The following PHACTR1 variants were observed in gnomAD, a reference collection of about 807,000 sequenced individuals.
PHACTR1 encodes RPEL repeat containing 1.
Under a neutral mutation model 69.2 loss-of-function variants are expected in PHACTR1, and 16 were observed. The observed-to-expected ratio is 0.23, with a 90% CI of 0.16 to 0.35. The LOEUF (loss-of-function observed/expected upper bound fraction) is 0.35, where lower values mean the gene tolerates loss of function less well. PHACTR1 is among the 10% of genes least tolerant of loss of function. The probability of loss-of-function intolerance (pLI) is 1.00; values close to 1 mark genes in which losing one functional copy is unlikely to be tolerated. For synonymous variants in PHACTR1, 312 were observed against 284.5 expected (o/e 1.10, Z -0.97); for missense variants, 510 against 734.7 (o/e 0.69, Z 3.54).
intron 7 of PHACTR1, among the ~76,000 whole-genome samples, chr6:13,197,620 A>C (rs2113824259): frequency 6.6e-6 from 1 of 152,222 alleles, no homozygotes; most frequent in Non-Finnish European, 1.5e-5. Flanking sequence ...ATATGTATAC[A>C]TGTGCCATGT....
chr6:13,162,492 C>G (rs1483734781), intron 6 of PHACTR1, among the ~76,000 whole-genome samples: 1 of 152,042 alleles, frequency 6.6e-6, no homozygotes, highest in East Asian at 1.9e-4. Flanking sequence ...ATTCACCCCC[C>G]AGGAGAGATG....
At chr6:13,139,441 T>A (rs1248867580) in intron 5 of PHACTR1, among the ~76,000 whole-genome samples, 1 of 152,164 alleles carries the variant, frequency 6.6e-6, no homozygotes, top group African/African-American at 2.4e-5. Flanking sequence ...TATTCACAAA[T>A]TGTTTTTTCC....
At chr6:13,040,611 C>G (rs1257039026) in intron 4 of PHACTR1, among the ~76,000 whole-genome samples, 2 of 152,044 alleles carry the variant, frequency 1.3e-5, no homozygotes, top group Non-Finnish European at 1.5e-5. Context: ...TTTCACTTAC[C>G]CTCCAGCTGA....
At chr6:12,825,104 C>G (rs1041776941) in intron 4 of PHACTR1, among the ~76,000 whole-genome samples, 1 of 152,140 alleles carries the variant, frequency 6.6e-6, no homozygotes, top group Non-Finnish European at 1.5e-5. Context: ...CATAGCAAGA[C>G]TCCCATCTCC....
intron 3 of PHACTR1, among the ~76,000 whole-genome samples, chr6:12,726,270 G>A (rs991966767): frequency 6.6e-6 from 1 of 152,130 alleles, no homozygotes. Flanking sequence ...AATAGTCTGG[G>A]ATGATGGAGT....
At chr6:13,278,364 A>G (rs1261262720) in intron 12 of PHACTR1, 35 bp downstream of exon 12, 1 of 1,565,128 alleles carries the variant, frequency 6.4e-7, no homozygotes, top group African/African-American at 1.4e-5. Flanking sequence ...CTGGGACAGG[A>G]GAGGGTGGGC....
At chr6:12,994,223 G>T (rs1022694572) in intron 4 of PHACTR1, among the ~76,000 whole-genome samples, 3 of 152,176 alleles carry the variant, frequency 2.0e-5, no homozygotes, top group Non-Finnish European at 2.9e-5. Context: ...GAAGCCCTGA[G>T]AACTGAGATG....
At chr6:13,112,652 T>A (rs11961352) in intron 5 of PHACTR1, among the ~76,000 whole-genome samples, 42,140 of 152,104 alleles carry the variant, frequency 0.28, 6,133 homozygotes, top group South Asian at 0.46. Context: ...TTTTTCATAT[T>A]AAAAATATGT....
chr6:13,120,228 C>A (rs998965616), intron 5 of PHACTR1, among the ~76,000 whole-genome samples: 8 of 152,278 alleles, frequency 5.3e-5, no homozygotes, highest in African/African-American at 1.7e-4. Flanking sequence ...TTCTTCCTTT[C>A]TTCTCCCTCC....
intron 4 of PHACTR1, among the ~76,000 whole-genome samples, chr6:13,023,378 C>G (rs1330682015): frequency 6.6e-6 from 1 of 152,182 alleles, no homozygotes; most frequent in Non-Finnish European, 1.5e-5. Context: ...CATCTTGACT[C>G]TGTTATTGTT....
intron 4 of PHACTR1, among the ~76,000 whole-genome samples, chr6:12,829,428 T>A (rs1374280306): frequency 1.3e-5 from 2 of 152,148 alleles, no homozygotes; most frequent in Non-Finnish European, 2.9e-5. Context: ...CAAAGGAGTT[T>A]TGTGCTTGAC....
At chr6:13,230,270 G>A (rs114164912) in intron 10 of PHACTR1, 77 bp downstream of exon 10, 34 of 1,550,594 alleles carry the variant, frequency 2.2e-5, no homozygotes, top group East Asian at 1.2e-4. Context: ...ATTCAGTCTC[G>A]GCCGGGCGCA....
chr6:13,094,630 G>C (rs1813857668), intron 5 of PHACTR1, among the ~76,000 whole-genome samples: 1 of 152,112 alleles, frequency 6.6e-6, no homozygotes, highest in South Asian at 2.1e-4. Context: ...GAAGGAAACA[G>C]GAGACAGCTA....
chr6:13,284,648 G>T (rs1781245465), intron 13 of PHACTR1, among the ~76,000 whole-genome samples: 1 of 149,482 alleles, frequency 6.7e-6, no homozygotes, highest in African/African-American at 2.5e-5. Context: ...ACTATGGAGT[G>T]TGTCAGGGGC....
intron 4 of PHACTR1, among the ~76,000 whole-genome samples, chr6:12,886,336 TAA>T (rs1783635596): frequency 6.6e-6 from 1 of 152,112 alleles, no homozygotes; most frequent in African/African-American, 2.4e-5. Flanking sequence ...GGAAAACTTT[TAA>T]AAGTTAAAAG....
intron 5 of PHACTR1, among the ~76,000 whole-genome samples, chr6:13,155,261 C>G (rs766060646): frequency 1.3e-5 from 2 of 152,200 alleles, no homozygotes; most frequent in Non-Finnish European, 2.9e-5. Context: ...TTGTCCTACA[C>G]TTTCTTTTCA....
At chr6:12,903,945 A>G (rs1296051096) in intron 4 of PHACTR1, among the ~76,000 whole-genome samples, 1 of 152,210 alleles carries the variant, frequency 6.6e-6, no homozygotes, top group African/African-American at 2.4e-5. Flanking sequence ...TAAGGAGGTG[A>G]GAGCCTTAAA....
At chr6:12,908,536 T>A (rs1412139784) in intron 4 of PHACTR1, among the ~76,000 whole-genome samples, 1 of 150,108 alleles carries the variant, frequency 6.7e-6, no homozygotes. Context: ...TGTGCAAATA[T>A]GATGGAGGAG....
chr6:12,720,616 C>T (rs543718927), intron 3 of PHACTR1, among the ~76,000 whole-genome samples: 2 of 152,196 alleles, frequency 1.3e-5, no homozygotes, highest in Non-Finnish European at 1.5e-5. Flanking sequence ...GAGTCATGTT[C>T]GTATTAGAGT....
Sources: allele counts gnomAD v4.1 joint callset (sites outside exome capture counted in the v4.1 genomes callset), GRCh38; gene constraint gnomAD v4.1.1; transcripts MANE v1.5; gene names NCBI Gene and HGNC (gene_info 2026-07-23, HGNC 2026-07-21).